STARD13: variants seen among roughly 807,000 people sequenced by gnomAD.
STARD13 encodes stAR-related lipid transfer protein 13.
A neutral mutation model predicts 106.4 loss-of-function variants in STARD13; 62 were observed. That is an observed-to-expected ratio of 0.58 (90% CI 0.48 to 0.72). The LOEUF is 0.72. Ranked by LOEUF, STARD13 falls within the 30% of genes least tolerant of loss-of-function variation. STARD13 has a pLI of 0.00. For missense variants in STARD13, 1,387 were observed against 1,424.0 expected, an observed-to-expected ratio of 0.97 and a Z score of 0.42; for synonymous variants, 565 against 553.0, an observed-to-expected ratio of 1.02 and a Z score of -0.31.
At chr13:33,538,529 C>T in the STARD13 span, among the ~76,000 whole-genome samples, 1 of 152,126 alleles carries the variant, frequency 6.6e-6, no homozygotes, top group African/African-American at 2.4e-5. Context: ...AATCTCACTT[C>T]CATATTAGAT....
At chr13:33,255,170 C>T (rs1005929985) in intron 1 of STARD13, among the ~76,000 whole-genome samples, 2 of 151,820 alleles carry the variant, frequency 1.3e-5, no homozygotes, top group African/African-American at 4.8e-5. Flanking sequence ...GCACATCCTA[C>T]GAGGGGGACC....
At chr13:33,424,735 G>A in the STARD13 span, among the ~76,000 whole-genome samples, 1 of 152,178 alleles carries the variant, frequency 6.6e-6, no homozygotes, top group Non-Finnish European at 1.5e-5. Context: ...GAGGAGCCAT[G>A]GAAGTGCTCA....
intron 9 of STARD13, among the ~76,000 whole-genome samples, 192 bp downstream of exon 9, chr13:33,112,529 T>C (rs1212019132): frequency 1.3e-5 from 2 of 152,214 alleles, no homozygotes; most frequent in Non-Finnish European, 2.9e-5. Flanking sequence ...CTGTCATCTA[T>C]CATCTATGTA....
At chr13:33,560,497 C>T in the STARD13 span, among the ~76,000 whole-genome samples, 2 of 151,100 alleles carry the variant, frequency 1.3e-5, no homozygotes, top group East Asian at 3.9e-4. Context: ...GGAAATGCCA[C>T]CTCAAAATCT....
intron 1 of STARD13, among the ~76,000 whole-genome samples, chr13:33,247,785 G>T (rs911257283): frequency 6.6e-6 from 1 of 152,072 alleles, no homozygotes; most frequent in Non-Finnish European, 1.5e-5. Context: ...TCTCAGCACT[G>T]GCTGAACTTC....
At chr13:33,539,267 T>C in the STARD13 span, among the ~76,000 whole-genome samples, 1 of 152,096 alleles carries the variant, frequency 6.6e-6, no homozygotes, top group South Asian at 2.1e-4. Context: ...AAGATCAAAA[T>C]AAAAGGAGAT....
chr13:33,516,942 GAAA>G, the STARD13 span, among the ~76,000 whole-genome samples: 1 of 115,588 alleles, frequency 8.7e-6, no homozygotes, highest in Non-Finnish European at 1.9e-5. Flanking sequence ...CCTTGTCTCA[GAAA>G]AAAAAAAAAA....
At chr13:33,183,737 G>A (rs1368268062) in intron 1 of STARD13, among the ~76,000 whole-genome samples, 1 of 152,100 alleles carries the variant, frequency 6.6e-6, no homozygotes. Context: ...TTCCGGTGAT[G>A]AACAAAGGAT....
chr13:33,379,114 T>TA, the STARD13 span, among the ~76,000 whole-genome samples: 1 of 152,028 alleles, frequency 6.6e-6, no homozygotes, highest in Non-Finnish European at 1.5e-5. Flanking sequence ...TATCTCAAAA[T>TA]AAAAAAACAA....
At position 33,105,464 on chromosome 13, in the gene STARD13, G is replaced by A. The variant is rs944333276; in HGVS notation, c.*129C>T. On this transcript the variant is annotated 3_prime_UTR_variant, in exon 14 of 14. Coordinates refer to ENST00000336934, the MANE Select transcript of STARD13 (RefSeq NM_178006.4). ...ATCTCCAACATTCCAACTTCTTAAC[G>A]TTTCCATTTTTAGGCATTAACCGCG... The A allele has an allele frequency of 2.7e-5, 18 of 662,348 alleles. No individual in the cohort carries two copies. The highest frequency in any genetic ancestry group is 1.0e-4 in the Admixed American group (4 of 39,824). The allele number at this position is 662,348 out of a possible 1,614,324, so 41.0% of individuals were successfully genotyped here. A position where few individuals can be genotyped will look rare whatever the true frequency, so the allele number is the denominator to read the frequency against.
In STARD13 at chr13:33,285,748, C is replaced by T; in HGVS notation, c.-110G>A. On this transcript the variant is annotated 5_prime_UTR_variant, in exon 1 of 14. Coordinates refer to ENST00000336934, the MANE Select transcript of STARD13 (RefSeq NM_178006.4). ...GCCCAGGACAGCTCAACAGACCCAG[C>T]GATTTTTAAAAAGAAAGAGGAGTGC... 9 of 1,487,612 alleles carry T rather than the reference C, an allele frequency of 6.0e-6. No homozygotes were observed. Among genetic ancestry groups the T allele is most frequent in the Non-Finnish European group, 8.0e-6 (9 of 1,124,292 alleles). The allele number at this position is 1,487,612 out of a possible 1,614,324, so 92.2% of individuals were successfully genotyped here.
chr13:33,115,395 CCT>C (rs1443860242), intron 8 of STARD13, among the ~76,000 whole-genome samples: 3 of 152,184 alleles, frequency 2.0e-5, no homozygotes, highest in Admixed American at 6.5e-5. Flanking sequence ...ATGCTGACTC[CCT>C]GAGTCTCCAT....
chr13:33,379,843 G>A, the STARD13 span, among the ~76,000 whole-genome samples: 600 of 152,312 alleles, frequency 3.9e-3, 3 homozygotes, highest in African/African-American at 0.014. Context: ...GCAGCAAAGA[G>A]CTGAGCAAGA....
At chr13:33,295,461 C>G (rs765931054) in intron 1 of STARD13, among the ~76,000 whole-genome samples, 1 of 152,158 alleles carries the variant, frequency 6.6e-6, no homozygotes, top group South Asian at 2.1e-4. Context: ...TTTTTTCTGA[C>G]GTCTCGTTTG....
At chr13:33,477,798 A>G in the STARD13 span, among the ~76,000 whole-genome samples, 1 of 150,950 alleles carries the variant, frequency 6.6e-6, no homozygotes, top group Non-Finnish European at 1.5e-5. Context: ...TATCCAATAG[A>G]ATTTATGTTT....
intron 1 of STARD13, among the ~76,000 whole-genome samples, chr13:33,170,280 C>T (rs1207196615): frequency 6.6e-6 from 1 of 152,144 alleles, no homozygotes; most frequent in African/African-American, 2.4e-5. Context: ...TAAATATATA[C>T]ATACGCTTAC....
chr13:33,315,431 T>C (rs1193165218), intron 1 of STARD13, among the ~76,000 whole-genome samples: 2 of 152,198 alleles, frequency 1.3e-5, no homozygotes, highest in East Asian at 3.9e-4. Flanking sequence ...TACCAGACCT[T>C]ACATTTTTGT....
intron 1 of STARD13, among the ~76,000 whole-genome samples, chr13:33,326,579 A>G (rs972819619): frequency 6.6e-6 from 1 of 152,186 alleles, no homozygotes; most frequent in African/African-American, 2.4e-5. Context: ...TTCACACATC[A>G]ACAGCCTCAC....
chr13:33,354,965 T>A (rs1444056150), upstream of STARD13, among the ~76,000 whole-genome samples: 1 of 152,084 alleles, frequency 6.6e-6, no homozygotes, highest in Non-Finnish European at 1.5e-5. Flanking sequence ...AAGCAGTAGA[T>A]TGTGAGCATT....
Sources: gnomAD v4.1 joint callset for allele counts (sites outside exome capture counted in the v4.1 genomes callset) on GRCh38, gnomAD v4.1.1 for gene constraint, MANE v1.5 for transcripts, NCBI Gene and HGNC (gene_info 2026-07-23, HGNC 2026-07-21) for gene names.